AP1B1: variants seen among roughly 807,000 people sequenced by gnomAD.
AP1B1 encodes the protein adaptor related protein complex 1 subunit beta 1, also known as AP-1 complex subunit beta-1.
In AP1B1, 36 loss-of-function variants were observed where a neutral mutation model predicts 104.3. That is an observed-to-expected ratio of 0.35 (90% CI 0.26 to 0.46). AP1B1 has a LOEUF of 0.46. Among genes scored for constraint, AP1B1 ranks in the 20% least tolerant of loss-of-function variants. The pLI, the probability that AP1B1 is intolerant of heterozygous loss-of-function variation, is 1.00. For synonymous variants in AP1B1, 504 were observed against 517.5 expected, an observed-to-expected ratio of 0.97 and a Z score of 0.35; for missense variants, 901 against 1,247.9, an observed-to-expected ratio of 0.72 and a Z score of 4.19.
chr22:29,365,584 C>A (rs573761335), intron 2 of AP1B1, among the ~76,000 whole-genome samples: 1 of 152,212 alleles, frequency 6.6e-6, no homozygotes, highest in Non-Finnish European at 1.5e-5. Context: ...CAAGACTGAT[C>A]CCTGCGTACC....
chr22:29,367,606 A>C (rs1429926267), intron 1 of AP1B1, among the ~76,000 whole-genome samples: 1 of 151,470 alleles, frequency 6.6e-6, no homozygotes, highest in African/African-American at 2.4e-5. Context: ...GATCCCATCA[A>C]ATTTTTGAAT....
At chr22:29,386,804 A>C (rs940455550) in intron 1 of AP1B1, among the ~76,000 whole-genome samples, 3 of 152,226 alleles carry the variant, frequency 2.0e-5, no homozygotes, top group Non-Finnish European at 2.9e-5. Context: ...AAACTGAGGC[A>C]GAATTGAAGC....
rs534449307 is a variant in AP1B1, at chr22:29,367,190, T to G, written c.37+17A>C. 12 of 1,607,406 alleles carry G rather than the reference T, an allele frequency of 7.5e-6. No individual in the cohort carries two copies. The highest frequency in any genetic ancestry group is 5.0e-5 in the Admixed American group (3 of 59,956). ...AGAGAAAGCATAGGACAAGGCCCAT[T>G]ATTAAACAAGTAATACCTTTCTTGG... On this transcript the variant is annotated intron_variant, in intron 2 of 22. Coordinates refer to ENST00000357586, the MANE Select transcript of AP1B1 (RefSeq NM_001127.4).
chr22:29,388,015 G>GT (rs1000115030), intron 1 of AP1B1, among the ~76,000 whole-genome samples: 2 of 151,756 alleles, frequency 1.3e-5, no homozygotes, highest in South Asian at 2.1e-4. Context: ...CCGTTTTCTA[G>GT]TTTTTTTTTC....
chr22:29,384,556 G>T (rs781543409), intron 1 of AP1B1, among the ~76,000 whole-genome samples: 19 of 152,166 alleles, frequency 1.2e-4, no homozygotes, highest in South Asian at 2.1e-4. Flanking sequence ...GTTAAGGCAG[G>T]TCTTCGTCAA....
At chr22:29,345,061 A>C (rs1248921968) in intron 11 of AP1B1, among the ~76,000 whole-genome samples, 1 of 152,022 alleles carries the variant, frequency 6.6e-6, no homozygotes, top group Non-Finnish European at 1.5e-5. Context: ...GCACTAAACA[A>C]GTATTCTTTT....
intron 9 of AP1B1, 37 bp from the exon 10 acceptor site, chr22:29,350,187 C>CA (rs774346295): frequency 9.0e-6 from 14 of 1,555,312 alleles, no homozygotes; most frequent in Middle Eastern, 3.4e-4. Context: ...GAGGTCCCCG[C>CA]ACCCCATTTC....
In AP1B1 at chr22:29,340,833, C is replaced by G. The variant is rs1255027303; in HGVS notation, c.1821G>C (p.Glu607Asp). 6.3e-7 allele frequency: 1 copy of G among 1,597,376 alleles called. No homozygotes were observed. Among genetic ancestry groups the G allele is most frequent in the South Asian group, 1.1e-5 (1 of 87,494 alleles). ...TASSESAESP[E>D]TAPTGAPPGE... ...CAGGAGGTGCTCCAGTAGGGGCTGT[C>G]TCAGGGCTCTCTGCGCTCTCACTCC... Residue 607 changes from glutamate (E) to aspartate (D), a missense_variant, in exon 14 of 23, where the codon GAG (glutamate) becomes GAC (aspartate). By Grantham distance (45) the Glu-to-Asp change is conservative. Coordinates refer to ENST00000357586, the MANE Select transcript of AP1B1 (RefSeq NM_001127.4).
chr22:29,339,621 T>A, intron 15 of AP1B1, 133 bp downstream of exon 15: 1 of 935,290 alleles, frequency 1.1e-6, no homozygotes, highest in South Asian at 1.6e-5. Context: ...GCTGCCAGGA[T>A]GCTGGACCAA....
At chr22:29,350,823 T>C (rs555540273) in intron 9 of AP1B1, among the ~76,000 whole-genome samples, 5 of 152,112 alleles carry the variant, frequency 3.3e-5, no homozygotes, top group Non-Finnish European at 5.9e-5. Flanking sequence ...ATGATGACAA[T>C]ATTTGCCAAG....
At chr22:29,353,773 G>A (rs1367002028) in intron 7 of AP1B1, among the ~76,000 whole-genome samples, 1 of 152,184 alleles carries the variant, frequency 6.6e-6, no homozygotes, top group Admixed American at 6.5e-5. Flanking sequence ...CACAGGGCCT[G>A]CTGTAACATA....
intron 9 of AP1B1, 98 bp from the exon 10 acceptor site, chr22:29,350,248 T>G: frequency 2.4e-6 from 2 of 845,684 alleles, no homozygotes; most frequent in African/African-American, 3.3e-5. Flanking sequence ...AAATCACTTC[T>G]GGCACACCTT....
At chr22:29,329,816 C>T (rs575958834) in intron 21 of AP1B1, 96 bp from the exon 22 acceptor site, 47 of 1,580,054 alleles carry the variant, frequency 3.0e-5, no homozygotes, top group Middle Eastern at 3.4e-4. Flanking sequence ...AGCCCCCCAC[C>T]GACCAGCACT....
rs767543540 is a variant in AP1B1 at position 29,340,823 on chromosome 22, T to G, written c.1831A>C (p.Thr611Pro). Residue 611 changes from threonine to proline, a missense_variant, in exon 14 of 23, where the codon ACT becomes CCT. By Grantham distance (38) the Thr-to-Pro change is conservative. Around this residue, in one of 3 missense-constraint regions of AP1B1, gnomAD observed 424 missense variants for 494.0 expected, o/e 0.86. Coordinates refer to ENST00000357586, the MANE Select transcript of AP1B1 (RefSeq NM_001127.4). ...ESAESPETAP[T>P]GAPPGEQPDV... Reference sequence around the variant, plus strand: ...GGCTGCTCCCCAGGAGGTGCTCCAGTAGGGGCTGTCTCAGGGCTCTCTGCG... The same window carrying G: ...GGCTGCTCCCCAGGAGGTGCTCCAGGAGGGGCTGTCTCAGGGCTCTCTGCG... 6.3e-7 allele frequency: 1 copy of G among 1,599,082 alleles called. No homozygotes were observed. The highest frequency in any genetic ancestry group is 2.3e-5 in the East Asian group (1 of 44,398).
intron 6 of AP1B1, 51 bp from the exon 7 acceptor site, chr22:29,354,922 TTC>T (rs1337062320): frequency 3.2e-6 from 5 of 1,539,686 alleles, no homozygotes; most frequent in Non-Finnish European, 4.5e-6. Context: ...AGGGGAAACA[TTC>T]TGTTTTTAGT....
intron 1 of AP1B1, among the ~76,000 whole-genome samples, chr22:29,379,187 T>A (rs1353753695): frequency 1.3e-5 from 2 of 152,164 alleles, no homozygotes; most frequent in East Asian, 3.9e-4. Context: ...AACCTATCTC[T>A]ACTAAAAATA....
At chr22:29,376,734 T>C (rs186314931) in intron 1 of AP1B1, among the ~76,000 whole-genome samples, 2 of 152,286 alleles carry the variant, frequency 1.3e-5, no homozygotes, top group African/African-American at 4.8e-5. Context: ...TCATTCCATG[T>C]GTTTTGCTGC....
Position 29,341,548 on chromosome 22 carries a change from C to T in AP1B1, c.1749G>A (p.Glu583=), listed in dbSNP as rs1240990921. The change falls in exon 13 of 23, where the codon GAG becomes GAA. Residue 583 remains glutamate (E), a synonymous_variant. Transcript: ENST00000357586. ...VYHKPPSAFV[E]GGRGVVHKSL... is the part of the protein sequence containing the mutation. ...TCTTGTGCACGACGCCCCGGCCCCCCTCCACAAAGGCACTGGGAGGCTTAT... is the reference window on the plus strand; with the variant it reads ...TCTTGTGCACGACGCCCCGGCCCCCTTCCACAAAGGCACTGGGAGGCTTAT... 2 of 1,614,184 alleles carry T rather than the reference C, an allele frequency of 1.2e-6. No individual in the cohort carries two copies. Among genetic ancestry groups the T allele is most frequent in the Non-Finnish European group, 1.7e-6 (2 of 1,180,020 alleles).
chr22:29,336,433 CT>C (rs1358800377), intron 16 of AP1B1, among the ~76,000 whole-genome samples: 3 of 152,208 alleles, frequency 2.0e-5, no homozygotes. Context: ...ATCCCCTCCC[CT>C]CTCCTTTCCA....
Sources: gnomAD v4.1 joint callset for allele counts (sites outside exome capture counted in the v4.1 genomes callset) on GRCh38, gnomAD v4.1.1 for gene constraint, gnomAD v4.1.1 regional missense constraint, MANE v1.5 for transcripts, NCBI Gene and HGNC (gene_info 2026-07-23, HGNC 2026-07-21) for gene names.